The following RTN4 variants were observed in gnomAD, a reference collection of about 807,000 sequenced individuals.
RTN4 encodes reticulon 4.
Under a neutral mutation model 90.4 loss-of-function variants are expected in RTN4, and 32 were observed. The observed-to-expected ratio is 0.35, with a 90% CI of 0.27 to 0.48. The LOEUF is 0.48. RTN4 is among the 20% of genes least tolerant of loss of function. The pLI is 0.99. For missense variants in RTN4, 1,706 were observed against 1,430.2 expected (o/e 1.19, Z -3.11); for synonymous variants, 629 against 552.5 (o/e 1.14, Z -1.94).
At chr2:55,113,859 C>T (rs904864193), upstream of RTN4, among the ~76,000 whole-genome samples, 1 of 152,214 alleles carries the variant, frequency 6.6e-6, no homozygotes, top group South Asian at 2.1e-4. Context: ...AGGCCCTTCA[C>T]TGCTCTTGGG....
chr2:55,129,159 T>A, the RTN4 span, among the ~76,000 whole-genome samples: 1 of 147,150 alleles, frequency 6.8e-6, no homozygotes, highest in Non-Finnish European at 1.5e-5. Context: ...GCAAAGGATA[T>A]AAAGAGGCAA....
chr2:55,044,489 T>C (rs915834900), intron 1 of RTN4, among the ~76,000 whole-genome samples: 28 of 152,084 alleles, frequency 1.8e-4, no homozygotes, highest in African/African-American at 2.2e-4. Context: ...GGCAGGAGGA[T>C]TGCTTCAGGC....
chr2:55,038,967 G>A (rs1240707612), intron 1 of RTN4, among the ~76,000 whole-genome samples: 1 of 152,156 alleles, frequency 6.6e-6, no homozygotes, highest in Non-Finnish European at 1.5e-5. Context: ...AGTCTTAAAA[G>A]CATCATGCTG....
At chr2:54,975,369 T>G (rs147125535) in intron 5 of RTN4, among the ~76,000 whole-genome samples, 1 of 152,220 alleles carries the variant, frequency 6.6e-6, no homozygotes, top group Non-Finnish European at 1.5e-5. Context: ...TGGCAATCAC[T>G]TTGACCTACT....
At chr2:54,985,817 T>C (rs1002470094) in intron 4 of RTN4, among the ~76,000 whole-genome samples, 4 of 152,244 alleles carry the variant, frequency 2.6e-5, no homozygotes, top group African/African-American at 9.6e-5. Flanking sequence ...CATAGTCATA[T>C]GCCCAAACAG....
Position 54,982,614 on chromosome 2 carries a change from C to T in RTN4, c.3261G>A (p.Leu1087=), listed in dbSNP as rs1267946962. Residue 1087 remains leucine, a synonymous_variant, in exon 5 of 9, where the codon TTG becomes TTA. Coordinates refer to ENST00000337526, the MANE Select transcript of RTN4 (RefSeq NM_020532.5). ...GAGCAGAATTACTGTACTTCTGAACCAACTCCTCAGATATAGCAACTTCAG... is the reference window on the plus strand; with the variant it reads ...GAGCAGAATTACTGTACTTCTGAACTAACTCCTCAGATATAGCAACTTCAG... ...LESEVAISEE[L]VQKYSNSALG... The T allele has an allele frequency of 1.2e-6, 2 of 1,613,082 alleles. No individual in the cohort carries two copies. Among genetic ancestry groups the T allele is most frequent in the Non-Finnish European group, 8.5e-7 (1 of 1,179,556 alleles).
In RTN4 at chr2:55,105,056, C is replaced by G. The variant is rs1352116912; in HGVS notation, c.-214+7464G>C. On this transcript the variant is annotated intron_variant, in intron 1 of 3. Coordinates refer to the RTN4 transcript ENST00000427710. ...TCCTGAGCTCAAGCAATCCACTCAC[C>G]ATGTCCTCCCAAAACGCTGGGATTA... 1.3e-5 allele frequency among the ~76,000 whole-genome samples: 2 copies of G among 151,536 alleles called. 1 individual carries two copies. Among genetic ancestry groups the G allele is most frequent in the African/African-American group, 4.9e-5 (2 of 41,166 alleles).
upstream of RTN4, among the ~76,000 whole-genome samples, chr2:55,055,416 G>T (rs114740286): frequency 4.1e-3 from 629 of 152,210 alleles, 4 homozygotes; most frequent in African/African-American, 0.012. Context: ...CTTCAATGGA[G>T]ATAGATAGAA....
intron 1 of RTN4, among the ~76,000 whole-genome samples, chr2:55,040,553 G>A (rs1222103018): frequency 6.6e-6 from 1 of 152,116 alleles, no homozygotes; most frequent in African/African-American, 2.4e-5. Flanking sequence ...CAAAGTTGGG[G>A]AGAAAGAACA....
the RTN4 span, among the ~76,000 whole-genome samples, chr2:55,131,132 C>CAG: frequency 6.6e-6 from 1 of 152,096 alleles, no homozygotes; most frequent in African/African-American, 2.4e-5. Flanking sequence ...GGCTAGAGTG[C>CAG]AGTGGTACAA....
At chr2:55,030,300 G>A (rs1415345138) in intron 1 of RTN4, among the ~76,000 whole-genome samples, 2 of 151,788 alleles carry the variant, frequency 1.3e-5, no homozygotes, top group Admixed American at 1.3e-4. Flanking sequence ...TTTCAAATTG[G>A]TATTTCAAAG....
At position 55,033,501 on chromosome 2, in the gene RTN4, G is replaced by A. The variant is rs536264288; in HGVS notation, c.557-5281C>T. The stretch of plus-strand genomic sequence containing the variant: ...ATCCAAAGTACAAGTTCCCAGCTGA[G>A]ATGGAACAAGGTAACCCTACCGCCT... On this transcript the variant is annotated intron_variant, in intron 1 of 8. Coordinates refer to ENST00000337526, the MANE Select transcript of RTN4 (RefSeq NM_020532.5). 5.3e-5 allele frequency among the ~76,000 whole-genome samples: 8 copies of A among 152,290 alleles called. No homozygotes were observed. In the South Asian group the frequency reaches 1.7e-3, roughly 32 times the overall value.
intron 3 of RTN4, among the ~76,000 whole-genome samples, chr2:55,013,172 C>T (rs1259351798): frequency 6.6e-6 from 1 of 152,042 alleles, no homozygotes; most frequent in African/African-American, 2.4e-5. Context: ...AATTCTAAGC[C>T]CTATTTCATA....
At chr2:55,129,279 A>C in the RTN4 span, among the ~76,000 whole-genome samples, 6 of 151,994 alleles carry the variant, frequency 3.9e-5, no homozygotes, top group East Asian at 5.9e-4. Context: ...TTCTCATCAG[A>C]TTAGCAACCA....
At chr2:55,059,551 A>G (rs1249283801) in intron 2 of RTN4, among the ~76,000 whole-genome samples, 1 of 151,990 alleles carries the variant, frequency 6.6e-6, no homozygotes, top group African/African-American at 2.4e-5. Context: ...ATGGGGTTTC[A>G]GGCCGGGCAC....
intron 3 of RTN4, among the ~76,000 whole-genome samples, chr2:54,993,842 T>C (rs142237724): frequency 2.6e-5 from 4 of 152,162 alleles, no homozygotes; most frequent in African/African-American, 4.8e-5. Context: ...TATCCTAGAA[T>C]AGGAACACCT....
intron 3 of RTN4, among the ~76,000 whole-genome samples, chr2:54,989,194 G>C (rs990327220): frequency 2.0e-5 from 3 of 152,196 alleles, no homozygotes; most frequent in African/African-American, 7.2e-5. Context: ...TATATCATGA[G>C]TACTGTTTAG....
chr2:55,039,178 A>G (rs1250335294), intron 1 of RTN4, among the ~76,000 whole-genome samples: 3 of 152,224 alleles, frequency 2.0e-5, no homozygotes, highest in Admixed American at 2.0e-4. Context: ...AATGTTCTAT[A>G]TCTTGTCAGA....
At chr2:55,082,767 A>G (rs1668744519) in intron 1 of RTN4, among the ~76,000 whole-genome samples, 1 of 152,202 alleles carries the variant, frequency 6.6e-6, no homozygotes, top group Admixed American at 6.5e-5. Context: ...CAGGTGCTCT[A>G]CTAGGCATTT....
Sources: gnomAD v4.1 joint callset for allele counts (sites outside exome capture counted in the v4.1 genomes callset) on GRCh38, gnomAD v4.1.1 for gene constraint, MANE v1.5 for transcripts, NCBI Gene and HGNC (gene_info 2026-07-23, HGNC 2026-07-21) for gene names.